The following ERCC6 variants were observed in gnomAD, a reference collection of about 807,000 sequenced individuals.
ERCC6 encodes the protein ERCC excision repair 6, chromatin remodeling factor.
ERCC6 carries 116 observed loss-of-function variants against 158.7 expected under a neutral mutation model. The ratio of observed to expected loss-of-function variants is 0.73; its 90% CI spans 0.63 to 0.85. ERCC6 has a LOEUF of 0.85. ERCC6 is among the 40% of genes least tolerant of loss of function. The pLI is 0.00. For synonymous variants in ERCC6, 678 were observed against 659.3 expected, an observed-to-expected ratio of 1.03 and a Z score of -0.43; for missense variants, 1,698 against 1,799.4, an observed-to-expected ratio of 0.94 and a Z score of 1.02.
At chr10:49,491,865 G>T (rs1851179120) in intron 8 of ERCC6, among the ~76,000 whole-genome samples, 1 of 152,150 alleles carries the variant, frequency 6.6e-6, no homozygotes, top group African/African-American at 2.4e-5. Context: ...TAACAGAAAT[G>T]AAAAAGGAAC....
chr10:49,457,188 T>C lies in ERCC6; in HGVS notation c.*1627A>G, dbSNP rs778886819. On this transcript the variant is annotated 3_prime_UTR_variant, in exon 21 of 21. Coordinates refer to ENST00000355832, the MANE Select transcript of ERCC6 (RefSeq NM_000124.4). ...CCACTTAGTCAAAAAGGAAGGAGTT[T>C]TGACTTTCTTCTAAGCCAAGTACTC... 4 of 152,232 alleles carry C rather than the reference T, an allele frequency of 2.6e-5. No individual in the cohort carries two copies. The highest frequency in any genetic ancestry group is 9.6e-5 in the African/African-American group (4 of 41,462). 9.4% of individuals were successfully genotyped at this position (152,232 alleles called of 1,614,324 possible).
intron 1 of ERCC6, among the ~76,000 whole-genome samples, chr10:49,534,479 C>T (rs1342854755): frequency 1.3e-5 from 2 of 152,112 alleles, no homozygotes; most frequent in Non-Finnish European, 2.9e-5. Flanking sequence ...ATATAAAAGC[C>T]ATGTTAAGTG....
At chr10:49,499,216 G>A (rs961645577) in intron 7 of ERCC6, among the ~76,000 whole-genome samples, 1 of 152,040 alleles carries the variant, frequency 6.6e-6, no homozygotes, top group African/African-American at 2.4e-5. Flanking sequence ...ACAACAACAC[G>A]ATGTTTAGCA....
At chr10:49,515,610 T>G in intron 5 of ERCC6, 1 of 1,614,118 alleles carries the variant, frequency 6.2e-7, no homozygotes, top group Non-Finnish European at 8.5e-7. Context: ...ATATGTTTTA[T>G]GCAATTGCCA....
At chr10:49,477,600 C>T (rs2132545897) in intron 11 of ERCC6, among the ~76,000 whole-genome samples, 1 of 152,258 alleles carries the variant, frequency 6.6e-6, no homozygotes, top group Non-Finnish European at 1.5e-5. Context: ...TTCCGATGCC[C>T]AGGTCTTCAC....
chr10:49,512,287 A>G (rs1313898685), intron 5 of ERCC6, among the ~76,000 whole-genome samples: 1 of 152,210 alleles, frequency 6.6e-6, no homozygotes, highest in Admixed American at 6.5e-5. Context: ...AGAAGACACA[A>G]AAGAGATACA....
chr10:49,493,297 T>C (rs1851209387), intron 7 of ERCC6, 45 bp from the exon 8 acceptor site: 1 of 1,612,578 alleles, frequency 6.2e-7, no homozygotes, highest in East Asian at 2.2e-5. Context: ...AAAGAGCATA[T>C]ACAGTCATCA....
At chr10:49,534,154 A>AAC (rs71026254) in intron 1 of ERCC6, among the ~76,000 whole-genome samples, 1 of 148,210 alleles carries the variant, frequency 6.7e-6, no homozygotes. Flanking sequence ...AAAAAAAAAA[A>AAC]CAAAAAAAAA....
At position 49,470,800 on chromosome 10, in the gene ERCC6, T is replaced by C. The variant is rs1191803905; in HGVS notation, c.3160A>G (p.Lys1054Glu). ...FGADHDVPKR[K>E]KFPASNISVN... is the part of the protein sequence containing the mutation. ...GATATGTTAGAAGCAGGGAACTTCT[T>C]GCGTTTTGGAACATCATGGTCTGCT... The change falls in exon 18 of 21, where the codon AAG becomes GAG. Residue 1054 changes from lysine (K) to glutamate (E), a missense_variant. Transcript: ENST00000355832. The C allele has an allele frequency of 1.9e-6, 3 of 1,614,196 alleles. No individual in the cohort carries two copies. Among genetic ancestry groups the C allele is most frequent in the Non-Finnish European group, 2.5e-6 (3 of 1,180,034 alleles).
rs769850417 is a variant in ERCC6 at position 49,530,783 on chromosome 10, T to C, written c.480A>G (p.Gln160=). The C allele has an allele frequency of 6.2e-7, 1 of 1,613,882 alleles. No individual in the cohort carries two copies. Among genetic ancestry groups the C allele is most frequent in the Non-Finnish European group, 8.5e-7 (1 of 1,179,898 alleles). ...TGTTGATGTCTCTGCTGGTGGCAGCTTGAGGGCTAAGCTGTTCAATAATTT... is the reference window on the plus strand; with the variant it reads ...TGTTGATGTCTCTGCTGGTGGCAGCCTGAGGGCTAAGCTGTTCAATAATTT... ...INKIIEQLSP[Q]AATSRDINRK... Residue 160 remains glutamine, a synonymous_variant, in exon 3 of 21, where the codon CAA becomes CAG. Transcript: ENST00000355832.
At chr10:49,514,318 T>C (rs1434935780) in intron 5 of ERCC6, among the ~76,000 whole-genome samples, 1 of 152,182 alleles carries the variant, frequency 6.6e-6, no homozygotes, top group East Asian at 1.9e-4. Flanking sequence ...ATACATAATA[T>C]AGGCTGAACA....
intron 5 of ERCC6, among the ~76,000 whole-genome samples, chr10:49,509,386 G>A (rs1021153661): frequency 2.0e-5 from 3 of 152,162 alleles, no homozygotes; most frequent in Admixed American, 2.0e-4. Flanking sequence ...CCAATGCAAT[G>A]TGCATATTGC....
intron 7 of ERCC6, among the ~76,000 whole-genome samples, chr10:49,495,657 T>C (rs1851254942): frequency 6.6e-6 from 1 of 152,038 alleles, no homozygotes; most frequent in Non-Finnish European, 1.5e-5. Flanking sequence ...TCCAAACCAA[T>C]GGAAAGAATT....
intron 2 of ERCC6, among the ~76,000 whole-genome samples, chr10:49,531,869 C>T (rs4253017): frequency 0.029 from 4,407 of 152,222 alleles, 216 homozygotes; most frequent in African/African-American, 0.097. Flanking sequence ...CACTGCCCAA[C>T]GGGGGCCAAG....
chr10:49,468,975 C>T (rs1247278696), intron 18 of ERCC6, among the ~76,000 whole-genome samples: 1 of 51,240 alleles, frequency 2.0e-5, no homozygotes, highest in Admixed American at 2.7e-4. Context: ...TAATGGATTA[C>T]AGTCATGGAA....
downstream of ERCC6, among the ~76,000 whole-genome samples, chr10:49,453,436 T>G (rs1479618475): frequency 6.6e-6 from 1 of 152,184 alleles, no homozygotes; most frequent in Non-Finnish European, 1.5e-5. Context: ...CTACTACAGC[T>G]TTGCTCCCAG....
At chr10:49,472,324 T>C in intron 16 of ERCC6, 52 bp downstream of exon 16, 1 of 1,499,226 alleles carries the variant, frequency 6.7e-7, no homozygotes, top group Non-Finnish European at 9.3e-7. Context: ...AAAAATTCCC[T>C]GCTCAAGACT....
chr10:49,468,731 C>CT (rs1434703111), intron 18 of ERCC6, among the ~76,000 whole-genome samples: 2 of 152,192 alleles, frequency 1.3e-5, no homozygotes, highest in Non-Finnish European at 2.9e-5. Flanking sequence ...AATGAACACT[C>CT]TGAGAACCCG....
intron 5 of ERCC6, chr10:49,515,143 T>G: frequency 7.8e-7 from 1 of 1,290,220 alleles, no homozygotes; most frequent in Non-Finnish European, 9.9e-7. Flanking sequence ...TACAATTTTT[T>G]GAATTTTTGC....
Sources: allele counts gnomAD v4.1 joint callset (sites outside exome capture counted in the v4.1 genomes callset), GRCh38; gene constraint gnomAD v4.1.1; transcripts MANE v1.5; gene names NCBI Gene and HGNC (gene_info 2026-07-23, HGNC 2026-07-21).